ENTPD5: variants seen among roughly 807,000 people sequenced by gnomAD.
ENTPD5 encodes the protein nucleoside diphosphate phosphatase ENTPD5.
In ENTPD5, 49 loss-of-function variants were observed where a neutral mutation model predicts 60.2. The ratio of observed to expected loss-of-function variants is 0.81; its 90% confidence interval spans 0.65 to 1.03. The LOEUF is 1.03. ENTPD5 is among the 50% of genes least tolerant of loss of function. The pLI, the probability that ENTPD5 is intolerant of heterozygous loss-of-function variation, is 0.00. For missense variants in ENTPD5, 480 were observed against 507.6 expected (o/e 0.95, Z 0.52); for synonymous variants, 187 against 185.4 (o/e 1.01, Z -0.07).
intron 3 of ENTPD5, chr14:73,996,272 C>G (rs1784630908): frequency 2.7e-6 from 2 of 748,574 alleles, no homozygotes. Context: ...TCACTCCCTT[C>G]TCTATCCTTC....
intron 3 of ENTPD5, among the ~76,000 whole-genome samples, chr14:74,008,358 G>A (rs2140845493): frequency 6.6e-6 from 1 of 151,680 alleles, no homozygotes; most frequent in South Asian, 2.1e-4. Context: ...AAATGATATA[G>A]CCTTTTATTT....
intron 6 of ENTPD5, among the ~76,000 whole-genome samples, chr14:73,980,272 T>C (rs1296252908): frequency 1.3e-5 from 2 of 149,696 alleles, no homozygotes; most frequent in Non-Finnish European, 3.0e-5. Flanking sequence ...TTTCAATCTT[T>C]TTTTTTTTTT....
At chr14:73,958,327 T>TC (rs2056542440), downstream of ENTPD5, 16 of 1,612,030 alleles carry the variant, frequency 9.9e-6, no homozygotes, top group Non-Finnish European at 1.4e-5. Context: ...CTACATCTTA[T>TC]CCTAGATTCT....
downstream of ENTPD5, chr14:73,963,100 C>CT: frequency 1.0e-6 from 1 of 1,004,044 alleles, no homozygotes; most frequent in East Asian, 2.5e-5. Flanking sequence ...AATAAACTTA[C>CT]TTTACATTAA....
In ENTPD5 at chr14:73,966,530, A is replaced by G. The variant is rs368774051; in HGVS notation, c.*398T>C. 16 of 162,060 alleles carry G rather than the reference A, an allele frequency of 9.9e-5. No homozygotes were observed. In the South Asian group the frequency reaches 2.8e-3, roughly 28 times the overall value. 10.0% of individuals were successfully genotyped at this position (162,060 alleles called of 1,614,324 possible). A position where few individuals can be genotyped will look rare whatever the true frequency, so the allele number is the denominator to read the frequency against. Reference sequence around the variant, plus strand: ...CAGATAAGGGTGGGCAGGGCACTGTATAGGGAGGAAAAAAATACTGATATT... The same window carrying G: ...CAGATAAGGGTGGGCAGGGCACTGTGTAGGGAGGAAAAAAATACTGATATT... On this transcript the variant is annotated 3_prime_UTR_variant, in exon 16 of 16. Transcript: ENST00000334696.
intron 3 of ENTPD5, among the ~76,000 whole-genome samples, chr14:74,005,158 C>T (rs1414292921): frequency 1.3e-5 from 2 of 148,576 alleles, no homozygotes; most frequent in Admixed American, 6.8e-5. Context: ...CCCAGCTACT[C>T]GGGAGGCTGA....
chr14:73,990,113 A>C (rs1166069493), intron 3 of ENTPD5, among the ~76,000 whole-genome samples: 15 of 151,996 alleles, frequency 9.9e-5, no homozygotes, highest in Admixed American at 9.8e-4. Context: ...TGAGTCCAGG[A>C]GCTCAAGGTT....
chr14:73,982,702 G>C (rs1330683019), intron 6 of ENTPD5, among the ~76,000 whole-genome samples: 1 of 152,098 alleles, frequency 6.6e-6, no homozygotes, highest in African/African-American at 2.4e-5. Context: ...CTTGCAGTGA[G>C]CCAAGATGGC....
At chr14:73,982,217 G>A (rs1248865062) in intron 6 of ENTPD5, among the ~76,000 whole-genome samples, 1 of 152,100 alleles carries the variant, frequency 6.6e-6, no homozygotes, top group East Asian at 1.9e-4. Flanking sequence ...TGGGACTACA[G>A]GCGTGCGCCA....
chr14:73,975,896 T>C (rs1555361611), intron 10 of ENTPD5, 40 bp downstream of exon 10: 1 of 1,471,774 alleles, frequency 6.8e-7, no homozygotes, highest in Non-Finnish European at 9.4e-7. Context: ...AGGAGAATCA[T>C]ACAACATGAA....
chr14:73,958,390 G>T, downstream of ENTPD5: 1 of 1,560,936 alleles, frequency 6.4e-7, no homozygotes, highest in Admixed American at 1.9e-5. Context: ...CAAAACTTTT[G>T]GTTATGAGGA....
At chr14:74,008,049 G>T (rs1288903060) in intron 3 of ENTPD5, among the ~76,000 whole-genome samples, 2 of 151,964 alleles carry the variant, frequency 1.3e-5, no homozygotes, top group South Asian at 4.2e-4. Flanking sequence ...GGCCACACTG[G>T]TTTTGAACTC....
At position 73,988,167 on chromosome 14, in the gene ENTPD5, C is replaced by A; in HGVS notation, c.-65G>T. The A allele has an allele frequency of 1.3e-6, 2 of 1,537,538 alleles. No homozygotes were observed. Among genetic ancestry groups the A allele is most frequent in the South Asian group, 2.4e-5 (2 of 81,830 alleles). On this transcript the variant is annotated 5_prime_UTR_variant, in exon 4 of 16. Coordinates refer to ENST00000334696, the MANE Select transcript of ENTPD5 (RefSeq NM_001249.5). The stretch of plus-strand genomic sequence containing the variant: ...AGAAGCAATCCTGCTCGCACACCTG[C>A]AGAGGCTTATAGGACAAAGACACAC...
Position 73,995,201 on chromosome 14 carries a change from G to A in ENTPD5, c.-70-7029C>T, listed in dbSNP as rs566275814. 1.1e-3 allele frequency among the ~76,000 whole-genome samples: 164 copies of A among 151,600 alleles called. 2 individuals carry two copies. The highest frequency in any genetic ancestry group is 3.6e-3 in the African/African-American group (149 of 41,270). Reference sequence around the variant, plus strand: ...GCAGCCAGGATTACAAGCATGTGCCGCCGCGCCTGGCTAATTTTGTATTTT... The same window carrying A: ...GCAGCCAGGATTACAAGCATGTGCCACCGCGCCTGGCTAATTTTGTATTTT... On this transcript the variant is annotated intron_variant, in intron 3 of 15. Transcript: ENST00000334696.
At chr14:73,971,502 C>T (rs186794895) in intron 14 of ENTPD5, among the ~76,000 whole-genome samples, 2 of 152,262 alleles carry the variant, frequency 1.3e-5, no homozygotes, top group African/African-American at 4.8e-5. Flanking sequence ...TAATTCTATG[C>T]TGCATAAAGC....
intron 3 of ENTPD5, among the ~76,000 whole-genome samples, chr14:74,004,095 A>T (rs1311892781): frequency 3.3e-5 from 5 of 152,176 alleles, no homozygotes; most frequent in Admixed American, 2.0e-4. Flanking sequence ...ACAGAGCAAG[A>T]CCCTGTCTCA....
At chr14:73,993,484 T>C (rs1457070341) in intron 3 of ENTPD5, among the ~76,000 whole-genome samples, 1 of 152,232 alleles carries the variant, frequency 6.6e-6, no homozygotes, top group Non-Finnish European at 1.5e-5. Flanking sequence ...CAGACAAAAT[T>C]GTTTGACCTT....
chr14:74,003,463 G>C, intron 3 of ENTPD5: 1 of 1,425,188 alleles, frequency 7.0e-7, no homozygotes, highest in Non-Finnish European at 9.5e-7. Flanking sequence ...ATGAGGCAGA[G>C]GTCCAAGTAA....
rs1213386561 is a variant in ENTPD5, at chr14:73,974,881, G to C, written c.784+43C>G. 2.0e-6 allele frequency: 3 copies of C among 1,503,596 alleles called. No homozygotes were observed. The East Asian group carries it at 6.8e-5, about 34-fold the overall frequency. 93.1% of individuals were successfully genotyped at this position (1,503,596 alleles called of 1,614,324 possible). ...GGGAAGAAGCAAGCGGAGTATCTGT[G>C]TCACCCTCACCATCCCCCCCCAGCA... On this transcript the variant is annotated intron_variant, in intron 11 of 15. Transcript: ENST00000334696.
Sources: allele counts gnomAD v4.1 joint callset (sites outside exome capture counted in the v4.1 genomes callset), GRCh38; gene constraint gnomAD v4.1.1; transcripts MANE v1.5; gene names NCBI Gene and HGNC (gene_info 2026-07-23, HGNC 2026-07-21).